The following MMRN1 variants were observed in gnomAD, a reference collection of about 807,000 sequenced individuals.
MMRN1 encodes the protein multimerin 1, also known as multimerin-1.
A neutral mutation model predicts 100.7 loss-of-function variants in MMRN1; 94 were observed. The ratio of observed to expected loss-of-function variants is 0.93; its 90% confidence interval spans 0.79 to 1.11. MMRN1 has a LOEUF of 1.11. Ranked by LOEUF, MMRN1 falls within the 50% of genes least tolerant of loss-of-function variation. MMRN1 has a pLI of 0.00. For synonymous variants in MMRN1, 575 were observed against 505.0 expected (o/e 1.14, Z -1.86); for missense variants, 1,606 against 1,439.1 (o/e 1.12, Z -1.88).
chr4:89,889,974 C>T (rs1022998490), upstream of MMRN1, among the ~76,000 whole-genome samples: 1 of 152,012 alleles, frequency 6.6e-6, no homozygotes, highest in Admixed American at 6.6e-5. Context: ...CCTCCAAAGT[C>T]ACTCAGTGAA....
chr4:89,945,609 GT>G (rs1327362090), intron 6 of MMRN1, among the ~76,000 whole-genome samples: 1 of 152,066 alleles, frequency 6.6e-6, no homozygotes, highest in African/African-American at 2.4e-5. Flanking sequence ...GTCAGACAAT[GT>G]TTTTAATTCT....
At chr4:89,927,081 G>A (rs1489968005) in intron 4 of MMRN1, among the ~76,000 whole-genome samples, 1 of 151,570 alleles carries the variant, frequency 6.6e-6, no homozygotes, top group Non-Finnish European at 1.5e-5. Flanking sequence ...TGTTCCTTCA[G>A]TTGTTCTTTT....
intron 6 of MMRN1, among the ~76,000 whole-genome samples, chr4:89,948,540 C>T (rs1232081358): frequency 6.6e-6 from 1 of 152,096 alleles, no homozygotes; most frequent in Non-Finnish European, 1.5e-5. Context: ...TGTTATGAGA[C>T]AGTGTGATAC....
At chr4:89,920,262 T>A (rs1019444354) in intron 3 of MMRN1, among the ~76,000 whole-genome samples, 1 of 152,098 alleles carries the variant, frequency 6.6e-6, no homozygotes, top group Non-Finnish European at 1.5e-5. Context: ...CAAAACACAA[T>A]CATGGAGTTG....
chr4:89,926,487 C>T (rs1380975617), intron 4 of MMRN1, among the ~76,000 whole-genome samples: 4 of 152,064 alleles, frequency 2.6e-5, no homozygotes, highest in African/African-American at 9.7e-5. Flanking sequence ...CGGGTGTTTT[C>T]CTATAGGCTT....
rs981995233 is a variant in MMRN1, at chr4:89,934,282, A to G, written c.1130-528A>G. Among the ~76,000 whole-genome samples the G allele has an allele frequency of 3.9e-5, 6 of 152,264 alleles. No individual in the cohort carries two copies. In the East Asian group the frequency reaches 9.6e-4, roughly 24 times the overall value. The stretch of plus-strand genomic sequence containing the variant: ...TTATTATAAAACACTATTAAATCTT[A>G]TGAATATTACTTCATTTTTCCTCAT... On this transcript the variant is annotated intron_variant, in intron 5 of 7. Transcript: ENST00000264790.
intron 1 of MMRN1, among the ~76,000 whole-genome samples, chr4:89,898,114 T>G (rs1365316420): frequency 6.6e-6 from 1 of 152,108 alleles, no homozygotes; most frequent in Non-Finnish European, 1.5e-5. Flanking sequence ...AAAGCCTAGG[T>G]CCTTCACTTT....
intron 3 of MMRN1, among the ~76,000 whole-genome samples, chr4:89,920,058 T>C (rs1446972408): frequency 6.6e-6 from 1 of 152,144 alleles, no homozygotes; most frequent in Admixed American, 6.6e-5. Flanking sequence ...ACAGTAGGAA[T>C]TCCATTCATC....
upstream of MMRN1, among the ~76,000 whole-genome samples, chr4:89,891,954 C>T (rs1294576689): frequency 6.6e-6 from 1 of 151,914 alleles, no homozygotes; most frequent in Non-Finnish European, 1.5e-5. Context: ...TACACAGCAC[C>T]ATCTACAGTG....
At chr4:89,882,936 A>T (rs189463418) in intron 1 of MMRN1, among the ~76,000 whole-genome samples, 213 of 152,132 alleles carry the variant, frequency 1.4e-3, no homozygotes, top group African/African-American at 5.0e-3. Flanking sequence ...TCCTCCCCAG[A>T]AGAAACTTCC....
chr4:89,937,083 T>C (rs1297959390), intron 6 of MMRN1, among the ~76,000 whole-genome samples: 3 of 152,082 alleles, frequency 2.0e-5, no homozygotes, highest in Non-Finnish European at 4.4e-5. Flanking sequence ...TATGGAACAA[T>C]TTGCTTTGCA....
chr4:89,949,382 T>C lies in MMRN1; in HGVS notation c.3119-2223T>C, dbSNP rs376167342. Among the ~76,000 whole-genome samples, 63 of 152,318 alleles carry C rather than the reference T, an allele frequency of 4.1e-4. 1 individual carries two copies. In the East Asian group the frequency reaches 8.5e-3, roughly 21 times the overall value. ...ATTGATACATTCCTAGTGAAACCCA[T>C]TAATTGAAACTTCTCCTGTGAGTTG... On this transcript the variant is annotated intron_variant, in intron 6 of 7. Transcript: ENST00000264790.
At position 89,936,135 on chromosome 4, in the gene MMRN1, A is replaced by G. The variant is rs777774808; in HGVS notation, c.2455A>G (p.Asn819Asp). Residue 819 changes from asparagine (N) to aspartate (D), a missense_variant, in exon 6 of 8, where the codon AAC becomes GAC. Transcript: ENST00000264790. The stretch of plus-strand genomic sequence containing the variant: ...CAGAGATGAGAAACTAAATCAGTCC[A>G]ACTTCCAAAAGATGTATCAAATGTT... ...IPRDEKLNQSNFQKMYQMFNE... is the reference protein window; with the variant it reads ...IPRDEKLNQSDFQKMYQMFNE... 9 of 1,612,624 alleles carry G rather than the reference A, an allele frequency of 5.6e-6. 1 individual carries two copies. In the South Asian group the frequency reaches 7.7e-5, roughly 14 times the overall value.
chr4:89,936,524 G>A lies in MMRN1; in HGVS notation c.2844G>A (p.Trp948Ter). ...VSELNATIPK[W>*]IKHSLPDIQL... ...AACTGAATGCTACCATCCCTAAGTGGATAAAACATTCCCTGCCAGATATTC... is the reference window on the plus strand; with the variant it reads ...AACTGAATGCTACCATCCCTAAGTGAATAAAACATTCCCTGCCAGATATTC... The change falls in exon 6 of 8, where the codon TGG becomes TGA. Residue 948 changes from tryptophan to a stop codon, truncating the protein, a stop_gained. Coordinates refer to ENST00000264790, the MANE Select transcript of MMRN1 (RefSeq NM_007351.3). LOFTEE classifies it high-confidence loss of function. 6.2e-7 allele frequency: 1 copy of A among 1,613,122 alleles called. No homozygotes were observed. Among genetic ancestry groups the A allele is most frequent in the Non-Finnish European group, 8.5e-7 (1 of 1,179,644 alleles).
chr4:89,882,659 G>T (rs1720845666), intron 1 of MMRN1, among the ~76,000 whole-genome samples: 1 of 151,926 alleles, frequency 6.6e-6, no homozygotes, highest in Admixed American at 6.6e-5. Flanking sequence ...GTAAGCAAAA[G>T]ATTGAATACT....
rs765754793 is a variant in MMRN1, at chr4:89,936,698, A to G, written c.3018A>G (p.Ser1006=). 3.1e-6 allele frequency: 5 copies of G among 1,613,106 alleles called. No individual in the cohort carries two copies. The African/African-American group carries it at 6.7e-5, about 22-fold the overall frequency. ...NVVKSQKQVK[S]LPKKINALKK... ...TCAAGTCTCAGAAGCAAGTAAAATC[A>G]TTGCCAAAGAAAATTAACGCACTTA... The change falls in exon 6 of 8, where the codon TCA becomes TCG. Residue 1006 remains serine (S), a synonymous_variant. Coordinates refer to ENST00000264790, the MANE Select transcript of MMRN1 (RefSeq NM_007351.3).
chr4:89,888,012 C>G (rs912989381), intron 1 of MMRN1, among the ~76,000 whole-genome samples: 2 of 151,952 alleles, frequency 1.3e-5, no homozygotes, highest in African/African-American at 4.8e-5. Flanking sequence ...ATCTCAGACA[C>G]TATTCATTTT....
intron 3 of MMRN1, among the ~76,000 whole-genome samples, chr4:89,916,152 ACTC>A (rs111969179): frequency 0.067 from 10,128 of 151,630 alleles, 613 homozygotes; most frequent in East Asian, 0.29. Flanking sequence ...CAAGTACTGA[ACTC>A]CAGTCAACAA....
intron 1 of MMRN1, among the ~76,000 whole-genome samples, chr4:89,907,151 T>A (rs1721589168): frequency 6.6e-6 from 1 of 151,506 alleles, no homozygotes; most frequent in Admixed American, 6.6e-5. Context: ...TAAAGATCCC[T>A]TTATTGTGGT....
Sources: allele counts gnomAD v4.1 joint callset (sites outside exome capture counted in the v4.1 genomes callset), GRCh38; gene constraint gnomAD v4.1.1; transcripts MANE v1.5; gene names NCBI Gene and HGNC (gene_info 2026-07-23, HGNC 2026-07-21).